The following STXBP5L variants were observed in gnomAD, a reference collection of about 807,000 sequenced individuals.
The protein encoded by STXBP5L is syntaxin-binding protein 5-like.
STXBP5L carries 65 observed loss-of-function variants against 144.5 expected under a neutral mutation model. That is an observed-to-expected ratio of 0.45 (90% CI 0.37 to 0.55). STXBP5L has a LOEUF of 0.55. Among genes scored for constraint, STXBP5L ranks in the 20% least tolerant of loss-of-function variants. The pLI is 0.00. For missense variants in STXBP5L, 1,298 were observed against 1,405.5 expected (o/e 0.92, Z 1.22); for synonymous variants, 505 against 469.6 (o/e 1.08, Z -0.97).
At chr3:121,054,309 C>G (rs1389243852) in intron 5 of STXBP5L, among the ~76,000 whole-genome samples, 1 of 152,136 alleles carries the variant, frequency 6.6e-6, no homozygotes, top group Non-Finnish European at 1.5e-5. Flanking sequence ...TATTGTGGCA[C>G]TATTCACAAT....
At chr3:121,350,114 G>A (rs1164461806) in intron 20 of STXBP5L, among the ~76,000 whole-genome samples, 2 of 152,088 alleles carry the variant, frequency 1.3e-5, no homozygotes, top group Non-Finnish European at 1.5e-5. Context: ...TCCTTTCCAT[G>A]TTCAGTGCTT....
chr3:120,984,794 G>A (rs532894097), intron 3 of STXBP5L, among the ~76,000 whole-genome samples: 4 of 152,048 alleles, frequency 2.6e-5, no homozygotes, highest in African/African-American at 9.6e-5. Context: ...GATGTATGCT[G>A]TGGGTTATTC....
intron 20 of STXBP5L, among the ~76,000 whole-genome samples, chr3:121,367,008 A>C (rs1417867845): frequency 6.6e-6 from 1 of 152,216 alleles, no homozygotes; most frequent in Non-Finnish European, 1.5e-5. Context: ...CTTCAATAGC[A>C]TACAGAAATT....
At chr3:121,253,262 A>AG (rs1214838084) in intron 15 of STXBP5L, among the ~76,000 whole-genome samples, 1 of 152,002 alleles carries the variant, frequency 6.6e-6, no homozygotes, top group Non-Finnish European at 1.5e-5. Context: ...TGCAAAAAAA[A>AG]AAAAAGTACT....
chr3:121,393,854 G>T (rs2046657993), intron 22 of STXBP5L, among the ~76,000 whole-genome samples: 1 of 152,060 alleles, frequency 6.6e-6, no homozygotes, highest in Admixed American at 6.5e-5. Context: ...TTTGAAGTCA[G>T]GCAATGTGAT....
chr3:121,210,400 C>T (rs9816430), intron 10 of STXBP5L, among the ~76,000 whole-genome samples: 1 of 151,274 alleles, frequency 6.6e-6, no homozygotes, highest in Non-Finnish European at 1.5e-5. Context: ...CTCTGATGGT[C>T]GTTTCTTTTG....
At chr3:121,260,744 A>T (rs1176779051) in intron 18 of STXBP5L, among the ~76,000 whole-genome samples, 1 of 152,060 alleles carries the variant, frequency 6.6e-6, no homozygotes, top group African/African-American at 2.4e-5. Flanking sequence ...TGTACTTCCT[A>T]AGCTGAGTCT....
chr3:121,033,268 G>T (rs1226764680), intron 3 of STXBP5L, among the ~76,000 whole-genome samples: 2 of 130,634 alleles, frequency 1.5e-5, no homozygotes, highest in East Asian at 2.2e-4. Flanking sequence ...CATGTCCTTT[G>T]TAGGGACATG....
Position 121,121,582 on chromosome 3 carries a change from C to G in STXBP5L, c.606-59C>G, listed in dbSNP as rs1482034321. ...AATCTTAATTTCTTTGTTTCAGTCT[C>G]TAGTGGTAAGGTATTTTAATGTTTG... is the stretch of plus-strand genomic sequence containing the variant. On this transcript the variant is annotated intron_variant, in intron 6 of 26. Coordinates refer to ENST00000471454, the MANE Select transcript of STXBP5L (RefSeq NM_001308330.2). 13 of 1,221,062 alleles carry G rather than the reference C, an allele frequency of 1.1e-5. No homozygotes were observed. In the East Asian group the frequency reaches 2.8e-4, roughly 27 times the overall value. The allele number at this position is 1,221,062 out of a possible 1,614,324, so 75.6% of individuals were successfully genotyped here.
Position 121,324,517 on chromosome 3 carries a change from C to A in STXBP5L, c.2176+5977C>A, listed in dbSNP as rs1012646563. 27 of 698,486 alleles carry A rather than the reference C, an allele frequency of 3.9e-5. No individual in the cohort carries two copies. The Middle Eastern group carries it at 6.9e-4, about 18-fold the overall frequency. The allele number at this position is 698,486 out of a possible 1,614,324, so 43.3% of individuals were successfully genotyped here. The stretch of plus-strand genomic sequence containing the variant: ...GGACTTGCTACCAGAACCCCTGAGT[C>A]AGCACTAGGCTTTTATAGGAATGAA... On this transcript the variant is annotated intron_variant, in intron 20 of 26. Transcript: ENST00000471454.
At chr3:120,910,909 A>G (rs902293634) in intron 2 of STXBP5L, among the ~76,000 whole-genome samples, 3 of 152,104 alleles carry the variant, frequency 2.0e-5, no homozygotes, top group African/African-American at 7.2e-5. Context: ...TACAGTAATA[A>G]TTTTTTTCCT....
chr3:121,416,024 A>G, intron 25 of STXBP5L, 56 bp downstream of exon 25: 4 of 1,383,340 alleles, frequency 2.9e-6, no homozygotes, highest in Non-Finnish European at 4.1e-6. Context: ...GTTTCTGTGT[A>G]TGTGTATTTG....
chr3:121,194,523 A>G (rs1255662410), intron 9 of STXBP5L, among the ~76,000 whole-genome samples: 1 of 151,864 alleles, frequency 6.6e-6, no homozygotes, highest in African/African-American at 2.4e-5. Flanking sequence ...AAAAAAAAAA[A>G]GTAACTTTGT....
chr3:120,989,100 C>T (rs1220083623), intron 3 of STXBP5L, among the ~76,000 whole-genome samples: 2 of 152,076 alleles, frequency 1.3e-5, no homozygotes, highest in Non-Finnish European at 2.9e-5. Context: ...CATATCTCTG[C>T]TATTGTGACT....
intron 20 of STXBP5L, among the ~76,000 whole-genome samples, chr3:121,375,394 C>T (rs1405874147): frequency 6.6e-6 from 1 of 152,104 alleles, no homozygotes; most frequent in African/African-American, 2.4e-5. Flanking sequence ...AATTTCCACT[C>T]CTTCTGAAAT....
chr3:121,105,917 TA>T (rs1332337273), intron 5 of STXBP5L, among the ~76,000 whole-genome samples: 1 of 152,172 alleles, frequency 6.6e-6, no homozygotes, highest in Admixed American at 6.6e-5. Flanking sequence ...ATTTATATTT[TA>T]TTTTGTTTTT....
At chr3:121,243,173 T>C (rs2049725568) in intron 14 of STXBP5L, among the ~76,000 whole-genome samples, 1 of 152,180 alleles carries the variant, frequency 6.6e-6, no homozygotes, top group African/African-American at 2.4e-5. Context: ...AAGGGACTAG[T>C]TTCTGTGTCA....
intron 2 of STXBP5L, among the ~76,000 whole-genome samples, chr3:120,941,560 A>C (rs961679207): frequency 4.6e-5 from 7 of 151,794 alleles, no homozygotes; most frequent in Non-Finnish European, 8.9e-5. Flanking sequence ...GAATACAGAG[A>C]TAATTATATA....
chr3:121,278,202 A>G (rs115371639), intron 18 of STXBP5L, among the ~76,000 whole-genome samples: 1 of 152,114 alleles, frequency 6.6e-6, no homozygotes, highest in African/African-American at 2.4e-5. Flanking sequence ...TGTGAAATGT[A>G]TTACCTTGGT....
Sources: allele counts gnomAD v4.1 joint callset (sites outside exome capture counted in the v4.1 genomes callset), GRCh38; gene constraint gnomAD v4.1.1; transcripts MANE v1.5; gene names NCBI Gene and HGNC (gene_info 2026-07-23, HGNC 2026-07-21).